ZNF385D: variants seen among roughly 807,000 people sequenced by gnomAD.
The protein encoded by ZNF385D is zinc finger protein 385D.
ZNF385D carries 15 observed loss-of-function variants against 35.8 expected under a neutral mutation model. The ratio of observed to expected loss-of-function variants is 0.42; its 90% CI spans 0.28 to 0.64. The LOEUF is 0.64. Among genes scored for constraint, ZNF385D ranks in the 30% least tolerant of loss-of-function variants. ZNF385D has a pLI of 0.23. For missense variants in ZNF385D, 474 were observed against 494.6 expected, an observed-to-expected ratio of 0.96 and a Z score of 0.39; for synonymous variants, 212 against 186.8, an observed-to-expected ratio of 1.13 and a Z score of -1.10.
chr3:21,835,317 T>C (rs572026078), intron 3 of ZNF385D, among the ~76,000 whole-genome samples: 1 of 152,146 alleles, frequency 6.6e-6, no homozygotes, highest in East Asian at 1.9e-4. Context: ...ATAGGTACTA[T>C]GCAAGTATGT....
At chr3:21,830,100 G>T (rs1444325621) in intron 3 of ZNF385D, among the ~76,000 whole-genome samples, 2 of 151,084 alleles carry the variant, frequency 1.3e-5, no homozygotes, top group African/African-American at 4.9e-5. Flanking sequence ...TTCCAGCCTG[G>T]GTGACAGAGT....
At chr3:22,065,885 A>C (rs1177029506) in intron 3 of ZNF385D, among the ~76,000 whole-genome samples, 2 of 150,144 alleles carry the variant, frequency 1.3e-5, no homozygotes, top group African/African-American at 5.1e-5. Flanking sequence ...AAAAGAGATA[A>C]AGATAAAGAC....
intron 3 of ZNF385D, among the ~76,000 whole-genome samples, chr3:21,887,857 A>G (rs891865330): frequency 6.6e-6 from 1 of 152,128 alleles, no homozygotes; most frequent in African/African-American, 2.4e-5. Context: ...TGGTTAATTA[A>G]TTGATAGAAT....
chr3:22,364,615 T>C (rs1298736478), intron 2 of ZNF385D, among the ~76,000 whole-genome samples: 1 of 152,038 alleles, frequency 6.6e-6, no homozygotes, highest in Admixed American at 6.6e-5. Context: ...GGTGAAGATG[T>C]GGAAAAATTA....
chr3:21,429,985 T>C (rs1452490847), intron 5 of ZNF385D, among the ~76,000 whole-genome samples: 3 of 152,220 alleles, frequency 2.0e-5, no homozygotes, highest in South Asian at 4.1e-4. Context: ...AACTCTTGTG[T>C]GTACTAAGGA....
intron 3 of ZNF385D, among the ~76,000 whole-genome samples, chr3:21,954,132 A>G (rs1702184144): frequency 6.6e-6 from 1 of 151,832 alleles, no homozygotes; most frequent in Non-Finnish European, 1.5e-5. Context: ...TATGTCCTCT[A>G]AAGCACAATA....
At chr3:21,466,187 T>A (rs1703505000) in intron 4 of ZNF385D, among the ~76,000 whole-genome samples, 1 of 152,158 alleles carries the variant, frequency 6.6e-6, no homozygotes, top group African/African-American at 2.4e-5. Context: ...TACCTTATAA[T>A]ATGTTCATTT....
intron 1 of ZNF385D, among the ~76,000 whole-genome samples, chr3:21,683,385 G>A (rs144051567): frequency 2.0e-5 from 3 of 149,874 alleles, no homozygotes; most frequent in East Asian, 2.0e-4. Flanking sequence ...TTGGGAGGCC[G>A]AGTTGGGTGG....
At chr3:22,076,450 T>A (rs999217152) in intron 3 of ZNF385D, among the ~76,000 whole-genome samples, 7 of 151,956 alleles carry the variant, frequency 4.6e-5, no homozygotes, top group African/African-American at 1.4e-4. Context: ...CATTTGGATC[T>A]CAGCTTAAGA....
intron 3 of ZNF385D, among the ~76,000 whole-genome samples, chr3:22,139,694 G>A (rs1042428493): frequency 9.2e-5 from 14 of 151,978 alleles, no homozygotes; most frequent in Non-Finnish European, 1.6e-4. Context: ...GCAGTACACC[G>A]ACATGGCACA....
At chr3:22,004,145 A>G (rs1377403245) in intron 3 of ZNF385D, among the ~76,000 whole-genome samples, 2 of 152,176 alleles carry the variant, frequency 1.3e-5, no homozygotes, top group Non-Finnish European at 2.9e-5. Flanking sequence ...ATAAATCCAC[A>G]TATTTATAGC....
chr3:22,341,893 G>C (rs746003500), intron 2 of ZNF385D, among the ~76,000 whole-genome samples: 10 of 152,168 alleles, frequency 6.6e-5, no homozygotes, highest in African/African-American at 2.4e-4. Flanking sequence ...CAGTAAATTT[G>C]AGCTATTACT....
At chr3:21,956,365 ATTATATT>A (rs1424183831) in intron 3 of ZNF385D, among the ~76,000 whole-genome samples, 7 of 151,376 alleles carry the variant, frequency 4.6e-5, no homozygotes, top group Admixed American at 4.6e-4. Flanking sequence ...TTTCACACTT[ATTATATT>A]TTATAATATA....
At chr3:21,544,119 C>T (rs1299810584) in intron 3 of ZNF385D, among the ~76,000 whole-genome samples, 1 of 152,180 alleles carries the variant, frequency 6.6e-6, no homozygotes, top group East Asian at 1.9e-4. Context: ...CCTTTCAGTT[C>T]ACGTGGCTTT....
chr3:22,220,622 A>G (rs1264670186), intron 2 of ZNF385D, among the ~76,000 whole-genome samples: 1 of 152,192 alleles, frequency 6.6e-6, no homozygotes, highest in Non-Finnish European at 1.5e-5. Flanking sequence ...ATTTTGCATA[A>G]TAATTGTATT....
chr3:22,310,554 G>A (rs984909650), intron 2 of ZNF385D, among the ~76,000 whole-genome samples: 3 of 151,798 alleles, frequency 2.0e-5, no homozygotes, highest in Non-Finnish European at 4.4e-5. Context: ...GTTGCTCAAG[G>A]TAAATTCCTA....
Position 22,098,814 on chromosome 3 carries a change from C to G in ZNF385D, c.325+70003G>C, listed in dbSNP as rs188875616. Among the ~76,000 whole-genome samples the G allele has an allele frequency of 1.1e-4, 16 of 151,974 alleles. No homozygotes were observed. The East Asian group carries it at 3.1e-3, about 29-fold the overall frequency. On this transcript the variant is annotated intron_variant, in intron 3 of 5. Coordinates refer to the ZNF385D transcript ENST00000494108. The stretch of plus-strand genomic sequence containing the variant: ...TAAATAAAGATGAAAATAAAAGTAT[C>G]ACATACAGTGATACTGATAGAGTAG...
intron 3 of ZNF385D, among the ~76,000 whole-genome samples, chr3:22,102,955 A>G (rs1009660165): frequency 4.7e-5 from 7 of 149,494 alleles, no homozygotes; most frequent in African/African-American, 9.8e-5. Context: ...CTGGCAAATT[A>G]TTTTTACAAT....
chr3:21,764,945 G>T (rs1438282747), intron 3 of ZNF385D, among the ~76,000 whole-genome samples: 1 of 152,012 alleles, frequency 6.6e-6, no homozygotes, highest in East Asian at 1.9e-4. Flanking sequence ...TCACATTATG[G>T]ATGCCCTTGC....
Sources: gnomAD v4.1 joint callset for allele counts (sites outside exome capture counted in the v4.1 genomes callset) on GRCh38, gnomAD v4.1.1 for gene constraint, MANE v1.5 for transcripts, NCBI Gene and HGNC (gene_info 2026-07-23, HGNC 2026-07-21) for gene names.